The following AGBL1 variants were observed in gnomAD, a reference collection of about 807,000 sequenced individuals.
The protein encoded by AGBL1 is AGBL carboxypeptidase 1.
A neutral mutation model predicts 118.9 loss-of-function variants in AGBL1; 130 were observed. The observed-to-expected ratio is 1.09, with a 90% confidence interval of 0.95 to 1.26. The LOEUF is 1.26. Ranked by LOEUF, AGBL1 falls within the 50% of genes most tolerant of loss-of-function variation. The pLI, the probability that AGBL1 is intolerant of heterozygous loss-of-function variation, is 0.00. For synonymous variants in AGBL1, 555 were observed against 478.9 expected, an observed-to-expected ratio of 1.16 and a Z score of -2.08; for missense variants, 1,584 against 1,298.1, an observed-to-expected ratio of 1.22 and a Z score of -3.38.
At chr15:86,774,901 A>T (rs902246660) in intron 22 of AGBL1, among the ~76,000 whole-genome samples, 3 of 152,130 alleles carry the variant, frequency 2.0e-5, no homozygotes, top group African/African-American at 7.2e-5. Flanking sequence ...CTAAAATGCC[A>T]TGCTAAGGAG....
intron 18 of AGBL1, among the ~76,000 whole-genome samples, chr15:86,425,693 A>C (rs762898309): frequency 6.6e-6 from 1 of 152,192 alleles, no homozygotes; most frequent in Non-Finnish European, 1.5e-5. Context: ...TTCCAAATGT[A>C]GTTGATCATC....
chr15:86,953,657 C>T (rs1207159330), intron 23 of AGBL1, among the ~76,000 whole-genome samples: 1 of 152,220 alleles, frequency 6.6e-6, no homozygotes, highest in African/African-American at 2.4e-5. Context: ...TCCCAAAGAA[C>T]TGGGATTACA....
At chr15:86,820,864 T>A (rs888276336) in intron 22 of AGBL1, among the ~76,000 whole-genome samples, 3 of 152,158 alleles carry the variant, frequency 2.0e-5, no homozygotes, top group Non-Finnish European at 4.4e-5. Context: ...CATTCTACTT[T>A]AAAGACACAT....
chr15:86,423,855 A>T (rs2081828092), intron 18 of AGBL1, among the ~76,000 whole-genome samples: 3 of 152,346 alleles, frequency 2.0e-5, no homozygotes, highest in South Asian at 2.1e-4. Flanking sequence ...AAGGAGAGCT[A>T]CAAACCACTG....
chr15:86,269,990 T>C lies in AGBL1; in HGVS notation c.1910T>C (p.Val637Ala). The C allele has an allele frequency of 6.2e-7, 1 of 1,613,804 alleles. No homozygotes were observed. ...CACCAGCAGTGGTTCTATTTCAAAG[T>C]GAGCGGTATGCAGGCGGCCATCCCT... is the stretch of plus-strand genomic sequence containing the variant. ...TQHQQWFYFK[V>A]SGMQAAIPYH... is the part of the protein sequence containing the mutation. The change falls in exon 14 of 23, where the codon GTG (valine) becomes GCG (alanine). Residue 637 changes from valine to alanine, a missense_variant. By Grantham distance (64) the Val-to-Ala change is moderately conservative (BLOSUM62 0). Transcript: ENST00000614907.
chr15:86,570,397 C>T (rs1032048774), intron 21 of AGBL1, among the ~76,000 whole-genome samples: 6 of 152,178 alleles, frequency 3.9e-5, no homozygotes, highest in Non-Finnish European at 8.8e-5. Flanking sequence ...GGAGGACAGG[C>T]ACACTCAAGA....
chr15:86,186,342 C>T (rs2077632972), intron 5 of AGBL1, among the ~76,000 whole-genome samples: 1 of 152,208 alleles, frequency 6.6e-6, no homozygotes, highest in South Asian at 2.1e-4. Context: ...ACCTGCATAT[C>T]TTGCACATGT....
At chr15:86,526,769 T>C (rs1411343658) in intron 19 of AGBL1, among the ~76,000 whole-genome samples, 1 of 151,776 alleles carries the variant, frequency 6.6e-6, no homozygotes, top group East Asian at 1.9e-4. Context: ...AGGAATGAAA[T>C]ATCACATGTT....
At chr15:86,275,847 GT>G (rs1567172510) in intron 15 of AGBL1, among the ~76,000 whole-genome samples, 1 of 152,176 alleles carries the variant, frequency 6.6e-6, no homozygotes, top group African/African-American at 2.4e-5. Context: ...AGGAGAGGAA[GT>G]TCTTTGACTC....
intron 5 of AGBL1, among the ~76,000 whole-genome samples, chr15:86,218,026 T>C (rs983237047): frequency 6.6e-5 from 10 of 152,196 alleles, no homozygotes; most frequent in African/African-American, 2.4e-4. Context: ...ATTTGGGTGA[T>C]TTTAATTTAT....
At position 86,417,340 on chromosome 15, in the gene AGBL1, C is replaced by T. The variant is rs568982809; in HGVS notation, c.2555+19794C>T. 6.6e-5 allele frequency among the ~76,000 whole-genome samples: 10 copies of T among 152,300 alleles called. No individual in the cohort carries two copies. In the South Asian group the frequency reaches 1.9e-3, roughly 28 times the overall value. On this transcript the variant is annotated intron_variant, in intron 18 of 22. Transcript: ENST00000614907. ...ATATCACCTCTATATGTTTTCCTTTCTCCACAGTAAGAATCTGTAGTTTCT... is the reference window on the plus strand; with the variant it reads ...ATATCACCTCTATATGTTTTCCTTTTTCCACAGTAAGAATCTGTAGTTTCT...
intron 5 of AGBL1, among the ~76,000 whole-genome samples, chr15:86,201,452 G>C (rs769583373): frequency 3.9e-5 from 6 of 152,184 alleles, no homozygotes; most frequent in Non-Finnish European, 8.8e-5. Context: ...TGAGACATTT[G>C]AAGGCAGAGT....
rs898112347 is a variant in AGBL1 at position 86,712,337 on chromosome 15, T to G, written c.3158+37901T>G. ...TGTTTCTTTCTTTGCTTGTACTTAG[T>G]AGAAGGGATTACAGAGACGATGTGT... is the stretch of plus-strand genomic sequence containing the variant. On this transcript the variant is annotated intron_variant, in intron 22 of 22. Transcript: ENST00000614907. Among the ~76,000 whole-genome samples, 17 of 151,384 alleles carry G rather than the reference T, an allele frequency of 1.1e-4. 1 individual carries two copies. Among genetic ancestry groups the G allele is most frequent in the Admixed American group, 1.1e-3 (17 of 15,178 alleles).
chr15:86,505,008 TA>T (rs1475248275), intron 18 of AGBL1, among the ~76,000 whole-genome samples: 1 of 151,796 alleles, frequency 6.6e-6, no homozygotes, highest in East Asian at 1.9e-4. Flanking sequence ...ATTTCTCCGT[TA>T]AAAAATAGTT....
intron 22 of AGBL1, among the ~76,000 whole-genome samples, chr15:86,895,052 T>TCTTTCCTTTATCTTCCCTCCTTCC (rs2080103192): frequency 6.9e-6 from 1 of 145,696 alleles, no homozygotes; most frequent in African/African-American, 2.6e-5. Context: ...TTTTGTTCCT[T>TCTTTCCTTTATCTTCCCTCCTTCC]CTTTCTTTTA....
chr15:86,979,798 C>A (rs2081211617), intron 23 of AGBL1, among the ~76,000 whole-genome samples: 1 of 152,050 alleles, frequency 6.6e-6, no homozygotes, highest in African/African-American at 2.4e-5. Flanking sequence ...CCACTGCGCC[C>A]GGCCAGAGGC....
chr15:86,197,843 A>G (rs2077839538), intron 5 of AGBL1, among the ~76,000 whole-genome samples: 1 of 152,216 alleles, frequency 6.6e-6, no homozygotes, highest in Admixed American at 6.5e-5. Context: ...AGATTCTTGG[A>G]TGCTTCAGGA....
rs373949423 is a variant in AGBL1, at chr15:86,181,049, A to C, written c.488+22023A>C. Among the ~76,000 whole-genome samples, 230 of 152,242 alleles carry C rather than the reference A, an allele frequency of 1.5e-3. 3 individuals are homozygous for C. In the South Asian group the frequency reaches 0.046, roughly 30 times the overall value. ...TTGGCAAAGAAGAACACCAACACTC[A>C]CACTTTGCTGGTGGGAATGGAGAAA... On this transcript the variant is annotated intron_variant, in intron 5 of 22. Coordinates refer to ENST00000614907, the MANE Select transcript of AGBL1 (RefSeq NM_001386094.1).
intron 21 of AGBL1, among the ~76,000 whole-genome samples, chr15:86,574,656 C>A (rs566773621): frequency 7.3e-6 from 1 of 136,454 alleles, no homozygotes; most frequent in South Asian, 2.3e-4. Flanking sequence ...CGGCTTACTG[C>A]AATCTCCACC....
Sources: gnomAD v4.1 joint callset for allele counts (sites outside exome capture counted in the v4.1 genomes callset) on GRCh38, gnomAD v4.1.1 for gene constraint, MANE v1.5 for transcripts, NCBI Gene and HGNC (gene_info 2026-07-23, HGNC 2026-07-21) for gene names.